Variants in FAM178B observed in about 807,000 individuals in gnomAD.
FAM178B encodes family with sequence similarity 178 member B.
In FAM178B, 82 loss-of-function variants were observed where a neutral mutation model predicts 91.7. The ratio of observed to expected loss-of-function variants is 0.89; its 90% CI spans 0.75 to 1.07. The LOEUF is 1.07. FAM178B is among the 50% of genes least tolerant of loss of function. The pLI, the probability that FAM178B is intolerant of heterozygous loss-of-function variation, is 0.00. For synonymous variants in FAM178B, 368 were observed against 359.4 expected (o/e 1.02, Z -0.27); for missense variants, 769 against 846.7 (o/e 0.91, Z 1.14).
At chr2:96,960,559 C>A (rs960859072) in intron 5 of FAM178B, 119 bp from the exon 6 acceptor site, 6 of 1,234,590 alleles carry the variant, frequency 4.9e-6, no homozygotes, top group Non-Finnish European at 2.2e-6. Context: ...GCAGTCCTTG[C>A]GGCAAACCAA....
At chr2:96,878,956 G>T (rs1012065165) in intron 14 of FAM178B, among the ~76,000 whole-genome samples, 1 of 152,160 alleles carries the variant, frequency 6.6e-6, no homozygotes, top group Admixed American at 6.5e-5. Context: ...GATGGGAGCC[G>T]AAGGTTTTGG....
At chr2:96,982,871 C>T (rs756107581) in intron 1 of FAM178B, among the ~76,000 whole-genome samples, 3 of 150,248 alleles carry the variant, frequency 2.0e-5, no homozygotes, top group Non-Finnish European at 3.0e-5. Context: ...TGAGCCACTG[C>T]ACCCAGTCTA....
At chr2:96,899,603 G>A (rs1276230584) in intron 13 of FAM178B, among the ~76,000 whole-genome samples, 1 of 151,042 alleles carries the variant, frequency 6.6e-6, no homozygotes, top group Non-Finnish European at 1.5e-5. Context: ...TTGCTCTGTC[G>A]CCCAGGCTGG....
Position 96,951,406 on chromosome 2 carries a change from C to T in FAM178B, c.966G>A (p.Pro322=), listed in dbSNP as rs746774365. 9.6e-5 allele frequency: 149 copies of T among 1,551,272 alleles called. No individual in the cohort carries two copies. Among genetic ancestry groups the T allele is most frequent in the East Asian group, 3.7e-4 (15 of 40,912 alleles). Reference sequence around the variant, plus strand: ...GGAACAGCCACTGGAGCAGGGATACCGGGCAGTCAGGCATGTGCAGGTAGA... The same window carrying T: ...GGAACAGCCACTGGAGCAGGGATACTGGGCAGTCAGGCATGTGCAGGTAGA... The part of the protein sequence containing the change: ...NILYLHMPDC[P]VSLLQWLFQL... The change falls in exon 7 of 17, where the codon CCG becomes CCA. Residue 322 remains proline (P), a synonymous_variant. Transcript: ENST00000490605.
chr2:96,876,952 G>GCC (rs1559042974), intron 16 of FAM178B, among the ~76,000 whole-genome samples: 1 of 152,120 alleles, frequency 6.6e-6, no homozygotes, highest in African/African-American at 2.4e-5. Flanking sequence ...GCTGGCTCAT[G>GCC]CCCTGATTCT....
At chr2:96,922,496 C>T (rs547432228) in intron 10 of FAM178B, among the ~76,000 whole-genome samples, 3 of 151,764 alleles carry the variant, frequency 2.0e-5, no homozygotes, top group Non-Finnish European at 2.9e-5. Flanking sequence ...ATTACAGGCA[C>T]GCGCCACCGC....
chr2:96,909,992 C>T lies in FAM178B; in HGVS notation c.1563-7285G>A, dbSNP rs190052038. Among the ~76,000 whole-genome samples the T allele has an allele frequency of 4.1e-4, 63 of 152,266 alleles. 1 individual carries two copies. In the South Asian group the frequency reaches 1.0e-2, roughly 24 times the overall value. ...CACTTCATTCTGTCATCATTTGACC[C>T]GCATTCCTTCATGCCGAACCCAGCC... On this transcript the variant is annotated intron_variant, in intron 12 of 16. Transcript: ENST00000490605.
At chr2:96,927,857 C>T (rs1056724568) in intron 9 of FAM178B, among the ~76,000 whole-genome samples, 36 of 152,316 alleles carry the variant, frequency 2.4e-4, no homozygotes, top group Admixed American at 1.9e-3. Context: ...CTGGACTCCA[C>T]GGCCCCTGCC....
chr2:96,930,514 G>A (rs2081523056), intron 8 of FAM178B, among the ~76,000 whole-genome samples: 1 of 152,176 alleles, frequency 6.6e-6, no homozygotes, highest in Non-Finnish European at 1.5e-5. Flanking sequence ...CAGTTGACTT[G>A]CTTCTCCTTC....
intron 14 of FAM178B, among the ~76,000 whole-genome samples, chr2:96,883,609 C>CTG (rs1397101636): frequency 6.6e-6 from 1 of 152,198 alleles, no homozygotes; most frequent in African/African-American, 2.4e-5. Flanking sequence ...GGGGCAGCTA[C>CTG]TGTGTGTGTG....
chr2:96,929,549 G>T (rs1423104105), intron 8 of FAM178B, among the ~76,000 whole-genome samples: 2 of 152,208 alleles, frequency 1.3e-5, no homozygotes, highest in South Asian at 4.1e-4. Flanking sequence ...GGTCTTCAAG[G>T]TATGGCTGCA....
intron 13 of FAM178B, among the ~76,000 whole-genome samples, chr2:96,902,001 A>T (rs1016382383): frequency 2.0e-5 from 3 of 151,688 alleles, no homozygotes; most frequent in African/African-American, 7.3e-5. Context: ...GTTTCACCAC[A>T]TTGGCCAGGC....
In FAM178B at chr2:96,986,452, G is replaced by C; in HGVS notation, c.-139C>G. ...GCAGTGGGAGGACCCCAAGAGTTGCGTCCCTAGATCCAGGGCCGCCAACGT... is the reference window on the plus strand; with the variant it reads ...GCAGTGGGAGGACCCCAAGAGTTGCCTCCCTAGATCCAGGGCCGCCAACGT... On this transcript the variant is annotated 5_prime_UTR_variant, in exon 1 of 17. Transcript: ENST00000490605. 1 of 1,028,254 alleles carries C rather than the reference G, an allele frequency of 9.7e-7. No individual in the cohort carries two copies. The highest frequency in any genetic ancestry group is 2.7e-5 in the East Asian group (1 of 36,658). 63.7% of individuals were successfully genotyped at this position (1,028,254 alleles called of 1,614,324 possible).
intron 3 of FAM178B, among the ~76,000 whole-genome samples, chr2:96,971,523 CAG>C (rs1207695740): frequency 6.6e-6 from 1 of 152,170 alleles, no homozygotes; most frequent in East Asian, 1.9e-4. Flanking sequence ...TCCACTGGAC[CAG>C]AGTCAGCTTG....
chr2:96,945,254 A>G (rs2081803684), intron 8 of FAM178B, among the ~76,000 whole-genome samples: 1 of 151,930 alleles, frequency 6.6e-6, no homozygotes. Flanking sequence ...CAGGAATACA[A>G]TTCTCCGTTA....
intron 13 of FAM178B, among the ~76,000 whole-genome samples, chr2:96,899,792 T>C (rs566170369): frequency 1.3e-5 from 2 of 148,702 alleles, no homozygotes; most frequent in Admixed American, 6.7e-5. Flanking sequence ...CACCTCAGCC[T>C]CTCAAAGTGC....
intron 12 of FAM178B, among the ~76,000 whole-genome samples, chr2:96,916,033 C>T (rs753515315): frequency 6.6e-6 from 1 of 152,172 alleles, no homozygotes; most frequent in Non-Finnish European, 1.5e-5. Context: ...CTCCGTAGCA[C>T]GGGCAGAACT....
chr2:96,899,842 T>C (rs2080892030), intron 13 of FAM178B, among the ~76,000 whole-genome samples: 1 of 142,626 alleles, frequency 7.0e-6, no homozygotes, highest in African/African-American at 2.7e-5. Context: ...CGCGCCCCCA[T>C]TCCCCACTCT....
At chr2:96,976,524 A>C (rs2082290463) in intron 1 of FAM178B, among the ~76,000 whole-genome samples, 1 of 152,006 alleles carries the variant, frequency 6.6e-6, no homozygotes, top group Admixed American at 6.6e-5. Context: ...ACAAATATCC[A>C]CAGCAGCATT....
Sources: allele counts gnomAD v4.1 joint callset (sites outside exome capture counted in the v4.1 genomes callset), GRCh38; gene constraint gnomAD v4.1.1; transcripts MANE v1.5; gene names NCBI Gene and HGNC (gene_info 2026-07-23, HGNC 2026-07-21).